The following TMC1 variants were observed in gnomAD, a reference collection of about 807,000 sequenced individuals.
The protein encoded by TMC1 is transmembrane channel like 1.
A neutral mutation model predicts 105.8 loss-of-function variants in TMC1; 84 were observed. The observed-to-expected ratio is 0.79, with a 90% confidence interval of 0.67 to 0.95. The LOEUF is 0.95. Ranked by LOEUF, TMC1 falls within the 40% of genes least tolerant of loss-of-function variation. The pLI, the probability that TMC1 is intolerant of heterozygous loss-of-function variation, is 0.00. For synonymous variants in TMC1, 315 were observed against 311.5 expected (o/e 1.01, Z -0.12); for missense variants, 817 against 914.1 (o/e 0.89, Z 1.37).
chr9:72,574,684 C>T (rs1824345241), intron 1 of TMC1, among the ~76,000 whole-genome samples: 1 of 152,162 alleles, frequency 6.6e-6, no homozygotes. Context: ...TGGTTACTTC[C>T]TTGTCACTTT....
intron 5 of TMC1, among the ~76,000 whole-genome samples, chr9:72,668,003 T>G (rs1826070728): frequency 6.6e-6 from 1 of 152,248 alleles, no homozygotes; most frequent in East Asian, 1.9e-4. Context: ...CTTAGTTATA[T>G]TCTACCTCAC....
chr9:72,683,050 C>T (rs960258373), intron 5 of TMC1, among the ~76,000 whole-genome samples: 1 of 152,198 alleles, frequency 6.6e-6, no homozygotes, highest in Non-Finnish European at 1.5e-5. Context: ...GCCCATGATC[C>T]AGTCACCTCC....
At chr9:72,658,834 G>A (rs1300975649) in intron 5 of TMC1, among the ~76,000 whole-genome samples, 3 of 152,304 alleles carry the variant, frequency 2.0e-5, no homozygotes, top group East Asian at 1.9e-4. Context: ...GGGAAAATAC[G>A]TAATCTAAGT....
chr9:72,755,093 AG>A (rs1222606931), intron 12 of TMC1, among the ~76,000 whole-genome samples: 14 of 133,538 alleles, frequency 1.0e-4, no homozygotes, highest in African/African-American at 3.7e-4. Context: ...AGAGAGAGAG[AG>A]AGAAAGAAAG....
chr9:72,677,825 GT>G (rs1826226113), intron 5 of TMC1, among the ~76,000 whole-genome samples: 1 of 152,062 alleles, frequency 6.6e-6, no homozygotes. Context: ...GATTGATCAA[GT>G]AACCATTGAG....
intron 2 of TMC1, among the ~76,000 whole-genome samples, chr9:72,604,537 C>G (rs1260146666): frequency 2.0e-5 from 3 of 152,196 alleles, no homozygotes; most frequent in African/African-American, 4.8e-5. Flanking sequence ...TTTTCCTGCA[C>G]TTACCACCAT....
At chr9:72,560,034 T>C (rs1484381166) in intron 1 of TMC1, among the ~76,000 whole-genome samples, 2 of 152,202 alleles carry the variant, frequency 1.3e-5, no homozygotes, top group Non-Finnish European at 2.9e-5. Context: ...CTGGGCCTGA[T>C]ATCTCCTTGA....
chr9:72,527,679 G>A (rs1473525800), intron 1 of TMC1, among the ~76,000 whole-genome samples: 4 of 152,158 alleles, frequency 2.6e-5, no homozygotes, highest in Non-Finnish European at 5.9e-5. Flanking sequence ...TGCGACCGCT[G>A]CTGCTGTTGT....
intron 1 of TMC1, among the ~76,000 whole-genome samples, chr9:72,566,194 G>T (rs1183415298): frequency 1.3e-5 from 2 of 152,236 alleles, no homozygotes; most frequent in East Asian, 3.9e-4. Context: ...CTAATGTTTT[G>T]TTTGTTTGTT....
chr9:72,802,254 T>TATATACATAC (rs1564564685), intron 17 of TMC1, among the ~76,000 whole-genome samples: 4 of 149,278 alleles, frequency 2.7e-5, no homozygotes, highest in African/African-American at 9.9e-5. Flanking sequence ...TACATACATA[T>TATATACATAC]ATACATACAT....
At chr9:72,765,893 C>T (rs571225667) in intron 12 of TMC1, among the ~76,000 whole-genome samples, 2 of 152,192 alleles carry the variant, frequency 1.3e-5, no homozygotes, top group East Asian at 3.9e-4. Context: ...GCACAAAAGG[C>T]AAATGGAAGT....
At chr9:72,609,573 A>C (rs1824988971) in intron 2 of TMC1, among the ~76,000 whole-genome samples, 1 of 152,024 alleles carries the variant, frequency 6.6e-6, no homozygotes, top group South Asian at 2.1e-4. Flanking sequence ...ACAAACTGGC[A>C]ATGCAGGACT....
intron 15 of TMC1, among the ~76,000 whole-genome samples, chr9:72,790,715 G>A (rs1463159966): frequency 6.6e-6 from 1 of 152,104 alleles, no homozygotes; most frequent in Non-Finnish European, 1.5e-5. Flanking sequence ...AGATTCATGA[G>A]TAACTTTACA....
intron 8 of TMC1, among the ~76,000 whole-genome samples, chr9:72,725,340 T>TATAC (rs1161900043): frequency 9.2e-6 from 1 of 108,950 alleles, no homozygotes; most frequent in Non-Finnish European, 1.8e-5. Context: ...TATATATATA[T>TATAC]ATATATATAT....
intron 19 of TMC1, 134 bp from the exon 20 acceptor site, chr9:72,820,708 G>A: frequency 9.3e-7 from 1 of 1,078,972 alleles, no homozygotes; most frequent in Non-Finnish European, 1.4e-6. Flanking sequence ...TTTATGAAAA[G>A]GGTTTGTCTG....
chr9:72,725,321 GTATGTATATATA>G (rs1189363205), intron 8 of TMC1, among the ~76,000 whole-genome samples: 1 of 34,900 alleles, frequency 2.9e-5, no homozygotes, highest in African/African-American at 1.3e-4. Context: ...TTTTATGTGT[GTATGTATATATA>G]TATATATATA....
intron 5 of TMC1, among the ~76,000 whole-genome samples, chr9:72,671,779 GA>G (rs951919230): frequency 5.3e-5 from 8 of 151,418 alleles, no homozygotes; most frequent in African/African-American, 2.4e-5. Context: ...TTTTTAAAAA[GA>G]AAAAAAATCA....
chr9:72,684,083 A>T (rs1037122640), intron 5 of TMC1, among the ~76,000 whole-genome samples: 1 of 152,116 alleles, frequency 6.6e-6, no homozygotes, highest in Non-Finnish European at 1.5e-5. Context: ...CCAAAAGCAG[A>T]AATAAAACTG....
chr9:72,604,657 T>G (rs1249190331), intron 2 of TMC1, among the ~76,000 whole-genome samples: 1 of 152,256 alleles, frequency 6.6e-6, no homozygotes, highest in Non-Finnish European at 1.5e-5. Flanking sequence ...TCTCAATGTC[T>G]GTAACAGTGT....
Sources: gnomAD v4.1 joint callset for allele counts (sites outside exome capture counted in the v4.1 genomes callset) on GRCh38, gnomAD v4.1.1 for gene constraint, MANE v1.5 for transcripts, NCBI Gene and HGNC (gene_info 2026-07-23, HGNC 2026-07-21) for gene names.